Variants in PPFIA3 observed in about 807,000 individuals in gnomAD.
The protein encoded by PPFIA3 is liprin-alpha-3.
Under a neutral mutation model 145.8 loss-of-function variants are expected in PPFIA3, and 26 were observed. The ratio of observed to expected loss-of-function variants is 0.18; its 90% CI spans 0.13 to 0.25. The LOEUF (loss-of-function observed/expected upper bound fraction) is 0.25. PPFIA3 is among the 10% of genes least tolerant of loss of function. PPFIA3 has a pLI of 1.00. For synonymous variants in PPFIA3, 645 were observed against 661.4 expected, an observed-to-expected ratio of 0.98 and a Z score of 0.38; for missense variants, 1,008 against 1,587.8, an observed-to-expected ratio of 0.63 and a Z score of 6.21.
chr19:49,141,796 A>G (rs993948061), intron 19 of PPFIA3, among the ~76,000 whole-genome samples: 2 of 148,066 alleles, frequency 1.4e-5, no homozygotes, highest in African/African-American at 5.0e-5. Context: ...CATTTATATT[A>G]TATTTTTTGT....
rs955276173 is a variant in PPFIA3, at chr19:49,149,677, T to G, written c.3485T>G (p.Leu1162Arg). Reference protein sequence around the residue: ...PNFRSAAAGALGSPGLPLRKL... With the variant: ...PNFRSAAAGARGSPGLPLRKL... Reference sequence around the variant, plus strand: ...TTTCGTTCGGCTGCAGCGGGAGCCCTGGGCTCTCCGGGGCTCCCTCTCCGC... The same window carrying G: ...TTTCGTTCGGCTGCAGCGGGAGCCCGGGGCTCTCCGGGGCTCCCTCTCCGC... Residue 1162 changes from leucine (L) to arginine (R), a missense_variant, in exon 28 of 30, where the codon CTG becomes CGG. Leu to Arg is a moderately radical substitution (Grantham distance 102, BLOSUM62 -2). This residue lies in a region of PPFIA3 where 125 missense variants were observed against 159.3 expected (regional missense o/e 0.78). Transcript: ENST00000334186. The surrounding 1 kb of genome is among the most constrained non-coding windows in gnomAD (Gnocchi z 5.7). 26 of 1,613,558 alleles carry G rather than the reference T, an allele frequency of 1.6e-5. No individual in the cohort carries two copies. Among genetic ancestry groups the G allele is most frequent in the Non-Finnish European group, 2.2e-5 (26 of 1,179,846 alleles).
rs1462905374 is a variant in PPFIA3, at chr19:49,133,273, G to C, written c.1063G>C (p.Asp355His). 3 of 1,609,792 alleles carry C rather than the reference G, an allele frequency of 1.9e-6. No homozygotes were observed. The highest frequency in any genetic ancestry group is 2.5e-6 in the Non-Finnish European group (3 of 1,178,326). ...EKSRQLAEWL[D>H]DAKQKLQQTL... ...GAGCCGTCAGCTGGCCGAGTGGTTG[G>C]ACGACGCCAAGCAGAAGCTGCAGCA... Residue 355 changes from aspartate to histidine, a missense_variant, in exon 9 of 30, where the codon GAC (aspartate) becomes CAC (histidine). Around this residue, in one of 11 missense-constraint regions of PPFIA3, gnomAD observed 109 missense variants for 198.1 expected, o/e 0.55. Transcript: ENST00000334186. The surrounding 1 kb of genome is among the most constrained non-coding windows in gnomAD (Gnocchi z 7.2).
intron 24 of PPFIA3, 74 bp downstream of exon 24, chr19:49,148,332 G>A: frequency 6.8e-7 from 1 of 1,472,732 alleles, no homozygotes; most frequent in Non-Finnish European, 9.1e-7. Flanking sequence ...CAATAGGATT[G>A]GCCATGGGAG....
chr19:49,148,957 G>T (rs755174853), intron 25 of PPFIA3, 36 bp from the exon 26 acceptor site: 1 of 1,607,428 alleles, frequency 6.2e-7, no homozygotes, highest in Non-Finnish European at 8.5e-7. Flanking sequence ...TCCAGGCCAC[G>T]GGAGGGGCAC....
chr19:49,131,573 G>A (rs1266741113), intron 7 of PPFIA3, among the ~76,000 whole-genome samples: 1 of 152,006 alleles, frequency 6.6e-6, no homozygotes, highest in Non-Finnish European at 1.5e-5. Context: ...GCTGGGAAAT[G>A]TGGACCTGGA....
At chr19:49,140,298 G>A (rs1240557269) in intron 18 of PPFIA3, among the ~76,000 whole-genome samples, 1 of 152,090 alleles carries the variant, frequency 6.6e-6, no homozygotes, top group Admixed American at 6.6e-5. Context: ...GGGTGACTGG[G>A]TAGGTAAAGG....
In PPFIA3 at chr19:49,128,848, C is replaced by T. The variant is rs749089037; in HGVS notation, c.343C>T (p.Leu115=). The change falls in exon 4 of 30, where the codon CTG becomes TTG. Residue 115 remains leucine (L), a splice_region_variant and synonymous_variant. Transcript: ENST00000334186. This position sits in a 1 kb window ranked among gnomAD's most constrained non-coding sequence, Gnocchi z 4.1. ...ELKAERNNTR[L]LLEHLECLVS... ...TTGACCCCATGCCGTGTGCTTGCAG[C>T]TGCTCCTGGAACACCTGGAGTGCCT... The T allele has an allele frequency of 7.5e-6, 12 of 1,591,528 alleles. No homozygotes were observed. In the Admixed American group the frequency reaches 1.6e-4, roughly 21 times the overall value.
At chr19:49,146,311 C>A in intron 23 of PPFIA3, 119 bp downstream of exon 23, 1 of 1,301,686 alleles carries the variant, frequency 7.7e-7, no homozygotes. Context: ...CATGGGGGGG[C>A]GCTGCGCCAA....
At chr19:49,148,843 A>G (rs2041309008) in intron 25 of PPFIA3, 80 bp downstream of exon 25, 3 of 1,533,166 alleles carry the variant, frequency 2.0e-6, no homozygotes, top group Admixed American at 1.8e-5. Context: ...GTAGGGGGAG[A>G]CCGGAGAAGC....
rs1177241634 is a variant in PPFIA3 at position 49,128,399 on chromosome 19, A to G, written c.273A>G (p.Leu91=). The G allele has an allele frequency of 6.3e-7, 1 of 1,598,994 alleles. No individual in the cohort carries two copies. Among genetic ancestry groups the G allele is most frequent in the South Asian group, 1.1e-5 (1 of 90,808 alleles). ...CAGCTCTGACGAAGGAGCTGAACTT[A>G]TGTCGGGAGCAGCTGCTGGAGAGGG... The part of the protein sequence containing the change: ...EFAALTKELN[L]CREQLLEREE... The change falls in exon 3 of 30, where the codon TTA becomes TTG. Residue 91 remains leucine (L), a synonymous_variant. Coordinates refer to ENST00000334186, the MANE Select transcript of PPFIA3 (RefSeq NM_003660.4). This position sits in a 1 kb window ranked among gnomAD's most constrained non-coding sequence, Gnocchi z 4.1.
chr19:49,130,257 T>A lies in PPFIA3; in HGVS notation c.658-121T>A. The A allele has an allele frequency of 8.3e-7, 1 of 1,207,434 alleles. No individual in the cohort carries two copies. The highest frequency in any genetic ancestry group is 1.1e-6 in the Non-Finnish European group (1 of 870,006). The allele number at this position is 1,207,434 out of a possible 1,614,324, so 74.8% of individuals were successfully genotyped here. A position where few individuals can be genotyped will look rare whatever the true frequency, so the allele number is the denominator to read the frequency against. The stretch of plus-strand genomic sequence containing the variant: ...ACCTCCTTCACTGACCCCCGTGGAC[T>A]CTGACCAGCATGATCCTTATTGATC... On this transcript the variant is annotated intron_variant, in intron 6 of 29. Transcript: ENST00000334186. This position sits in a 1 kb window ranked among gnomAD's most constrained non-coding sequence, Gnocchi z 4.5.
intron 18 of PPFIA3, among the ~76,000 whole-genome samples, chr19:49,140,500 C>A (rs941740633): frequency 2.0e-5 from 3 of 151,780 alleles, no homozygotes; most frequent in Non-Finnish European, 4.4e-5. Context: ...AGGCGCCCGC[C>A]ACTATGCCTG....
rs753052603 is a variant in PPFIA3 at position 49,149,675 on chromosome 19, C to A, written c.3483C>A (p.Ala1161=). The change falls in exon 28 of 30, where the codon GCC becomes GCA. Residue 1161 remains alanine, a synonymous_variant. Transcript: ENST00000334186. The surrounding 1 kb of genome is among the most constrained non-coding windows in gnomAD (Gnocchi z 5.7). The part of the protein sequence containing the change: ...PPNFRSAAAG[A]LGSPGLPLRK... ...ACTTTCGTTCGGCTGCAGCGGGAGC[C>A]CTGGGCTCTCCGGGGCTCCCTCTCC... is the stretch of plus-strand genomic sequence containing the variant. 1.9e-6 allele frequency: 3 copies of A among 1,613,254 alleles called. No individual in the cohort carries two copies. The highest frequency in any genetic ancestry group is 2.5e-6 in the Non-Finnish European group (3 of 1,179,632).
chr19:49,147,792 G>A (rs1290889090), intron 23 of PPFIA3, among the ~76,000 whole-genome samples: 1 of 152,090 alleles, frequency 6.6e-6, no homozygotes, highest in African/African-American at 2.4e-5. Context: ...TGCCGATACC[G>A]ACTTCAGTAG....
intron 5 of PPFIA3, 62 bp downstream of exon 5, chr19:49,129,516 G>C (rs2041043865): frequency 2.6e-6 from 4 of 1,518,492 alleles, no homozygotes; most frequent in Non-Finnish European, 3.6e-6. Context: ...GGCTGCCCAC[G>C]GGGCGGAGCC....
intron 18 of PPFIA3, among the ~76,000 whole-genome samples, chr19:49,140,617 C>G (rs997626914): frequency 1.8e-4 from 24 of 135,300 alleles, no homozygotes; most frequent in African/African-American, 5.6e-4. Context: ...TCCCAAAGTG[C>G]TGGGATTACA....
In PPFIA3 at chr19:49,130,605, GC is replaced by G; in HGVS notation, c.879+11del. On this transcript the variant is annotated splice_region_variant and intron_variant, in intron 7 of 29. Transcript: ENST00000334186. This position sits in a 1 kb window ranked among gnomAD's most constrained non-coding sequence, Gnocchi z 4.5. ...TGCAGCGCGACCTCAAGGAGGTGAG[GC>G]CCCCAGGGAGGCGGGCTGCCCTGGG... The G allele has an allele frequency of 6.5e-7, 1 of 1,549,658 alleles. No individual in the cohort carries two copies. The highest frequency in any genetic ancestry group is 1.2e-5 in the South Asian group (1 of 84,096).
At chr19:49,135,023 T>G in intron 13 of PPFIA3, 108 bp downstream of exon 13, 3 of 905,504 alleles carry the variant, frequency 3.3e-6, no homozygotes, top group Non-Finnish European at 4.7e-6. Flanking sequence ...TTCTGACCCC[T>G]CTGTTTTTGT....
At chr19:49,129,964 G>C in intron 5 of PPFIA3, 29 bp from the exon 6 acceptor site, 1 of 1,611,138 alleles carries the variant, frequency 6.2e-7, no homozygotes. Flanking sequence ...GGGAGCCCCT[G>C]TGCTCTGATT....
Sources: gnomAD v4.1 joint callset for allele counts (sites outside exome capture counted in the v4.1 genomes callset) on GRCh38, gnomAD v4.1.1 for gene constraint, gnomAD v4.1.1 regional missense constraint, Gnocchi (gnomAD v3.1) non-coding constraint, MANE v1.5 for transcripts, NCBI Gene and HGNC (gene_info 2026-07-23, HGNC 2026-07-21) for gene names.